The following RPS6KA5 variants were observed in gnomAD, a reference collection of about 807,000 sequenced individuals.
RPS6KA5 encodes the protein ribosomal protein S6 kinase A5, also known as ribosomal protein S6 kinase alpha-5.
RPS6KA5 carries 27 observed loss-of-function variants against 85.5 expected under a neutral mutation model. The ratio of observed to expected loss-of-function variants is 0.32; its 90% CI spans 0.23 to 0.44. The LOEUF (loss-of-function observed/expected upper bound fraction) is 0.44, where lower values mean the gene tolerates loss of function less well. RPS6KA5 is among the 20% of genes least tolerant of loss of function. The pLI, the probability that RPS6KA5 is intolerant of heterozygous loss-of-function variation, is 1.00. For synonymous variants in RPS6KA5, 334 were observed against 348.2 expected, an observed-to-expected ratio of 0.96 and a Z score of 0.46; for missense variants, 811 against 980.9, an observed-to-expected ratio of 0.83 and a Z score of 2.31.
intron 3 of RPS6KA5, among the ~76,000 whole-genome samples, chr14:90,964,326 T>C (rs1047413791): frequency 1.3e-5 from 2 of 152,164 alleles, no homozygotes; most frequent in African/African-American, 4.8e-5. Context: ...TGATAATCTA[T>C]TTCTTCAAGG....
At position 91,001,130 on chromosome 14, in the gene RPS6KA5, C is replaced by G; in HGVS notation, c.133G>C (p.Gly45Arg). The part of the protein sequence containing the change: ...ANLTGHAEKV[G>R]IENFELLKVL... ...TTCAGGAGCTCAAAATTTTCTATTC[C>G]CACCTTCTCAGCATGTCCTGTCAAA... Residue 45 changes from glycine (G) to arginine (R), a missense_variant, in exon 2 of 17, where the codon GGA (glycine) becomes CGA (arginine). Gly to Arg is a moderately radical substitution (Grantham distance 125). Coordinates refer to ENST00000614987, the MANE Select transcript of RPS6KA5 (RefSeq NM_004755.4). The G allele has an allele frequency of 6.2e-7, 1 of 1,602,048 alleles. No homozygotes were observed. Among genetic ancestry groups the G allele is most frequent in the South Asian group, 1.1e-5 (1 of 88,524 alleles).
rs2031876119 is a variant in RPS6KA5 at position 90,849,395 on chromosome 14, GT to G, written c.*22678del. 2 of 152,232 alleles carry G rather than the reference GT, an allele frequency of 1.3e-5. No individual in the cohort carries two copies. The highest frequency in any genetic ancestry group is 2.9e-5 in the Non-Finnish European group (2 of 68,060). 9.4% of individuals were successfully genotyped at this position (152,232 alleles called of 1,614,324 possible). A position where few individuals can be genotyped will look rare whatever the true frequency, so the allele number is the denominator to read the frequency against. The stretch of plus-strand genomic sequence containing the variant: ...TTATCTTATGAATAGATCCACTTTG[GT>G]TGGTAATTCTTCTGCCTGACAGGCT... On this transcript the variant is annotated 3_prime_UTR_variant, in exon 17 of 17. Transcript: ENST00000614987.
chr14:91,001,530 C>A (rs2040798087), intron 1 of RPS6KA5, among the ~76,000 whole-genome samples: 1 of 152,120 alleles, frequency 6.6e-6, no homozygotes, highest in African/African-American at 2.4e-5. Flanking sequence ...TATGATTCGA[C>A]AAACATTTAC....
Position 90,894,466 on chromosome 14 carries a change from C to G in RPS6KA5, c.1591G>C (p.Ala531Pro). Residue 531 changes from alanine to proline, a missense_variant, in exon 13 of 17, where the codon GCT (alanine) becomes CCT (proline). By Grantham distance (27) the Ala-to-Pro change is conservative (BLOSUM62 -1). Coordinates refer to ENST00000614987, the MANE Select transcript of RPS6KA5 (RefSeq NM_004755.4). ...CCAACATCATGCATGTGGCTTACAG[C>G]TGAAACAAGCTTCCTCATGATGTAG... ...ASYIMRKLVS[A>P]VSHMHDVGVV... is the part of the protein sequence containing the mutation. 6.2e-7 allele frequency: 1 copy of G among 1,614,138 alleles called. No individual in the cohort carries two copies. The highest frequency in any genetic ancestry group is 8.5e-7 in the Non-Finnish European group (1 of 1,180,014).
intron 1 of RPS6KA5, 190 bp downstream of exon 1, chr14:91,060,142 G>A (rs905921944): frequency 9.1e-6 from 9 of 984,102 alleles, no homozygotes; most frequent in African/African-American, 1.7e-5. Flanking sequence ...ACTTTCGGCC[G>A]CCTCCCCCAA....
chr14:90,943,776 A>C (rs2037720226), intron 4 of RPS6KA5, among the ~76,000 whole-genome samples: 1 of 152,164 alleles, frequency 6.6e-6, no homozygotes. Flanking sequence ...AGAATTGTTG[A>C]TTAACAGGCT....
chr14:90,937,100 C>T (rs2037300140), intron 5 of RPS6KA5, among the ~76,000 whole-genome samples: 1 of 151,706 alleles, frequency 6.6e-6, no homozygotes, highest in African/African-American at 2.4e-5. Context: ...AGAGGAAGAG[C>T]CAACAAAAGG....
chr14:91,031,805 TTATAA>T (rs1216338003), intron 1 of RPS6KA5, among the ~76,000 whole-genome samples: 3 of 152,094 alleles, frequency 2.0e-5, no homozygotes, highest in Non-Finnish European at 4.4e-5. Context: ...TCAACCAAAA[TTATAA>T]TATAACTTCA....
intron 1 of RPS6KA5, among the ~76,000 whole-genome samples, chr14:91,036,539 T>C (rs890867979): frequency 2.0e-5 from 3 of 152,152 alleles, no homozygotes; most frequent in Admixed American, 2.0e-4. Flanking sequence ...CCTGGGTTCT[T>C]CCCCAAAGCA....
chr14:90,924,191 T>C (rs994963558), intron 5 of RPS6KA5, among the ~76,000 whole-genome samples: 2 of 152,190 alleles, frequency 1.3e-5, no homozygotes, highest in African/African-American at 2.4e-5. Context: ...CAAACATCTC[T>C]TAATTCTCTC....
At chr14:91,050,348 C>T (rs539294586) in intron 1 of RPS6KA5, among the ~76,000 whole-genome samples, 52 of 117,348 alleles carry the variant, frequency 4.4e-4, no homozygotes, top group Admixed American at 4.1e-3. Context: ...CACTGTATTC[C>T]AGCCTGGGCA....
At chr14:90,965,629 C>T (rs2039025649) in intron 3 of RPS6KA5, among the ~76,000 whole-genome samples, 1 of 151,960 alleles carries the variant, frequency 6.6e-6, no homozygotes, top group African/African-American at 2.4e-5. Flanking sequence ...ACCTGTGAAG[C>T]TCTGCTGAGA....
intron 1 of RPS6KA5, among the ~76,000 whole-genome samples, chr14:91,035,883 C>T (rs1422327383): frequency 1.1e-5 from 1 of 88,506 alleles, no homozygotes; most frequent in Admixed American, 1.1e-4. Context: ...AAAAAAAAAC[C>T]CCAAAGCTGA....
At chr14:90,902,625 C>G (rs1234874228) in intron 9 of RPS6KA5, among the ~76,000 whole-genome samples, 183 bp downstream of exon 9, 1 of 152,186 alleles carries the variant, frequency 6.6e-6, no homozygotes, top group Non-Finnish European at 1.5e-5. Context: ...TAAACAATAT[C>G]TGCTATTGAG....
chr14:90,942,911 G>A (rs937460834), intron 5 of RPS6KA5, among the ~76,000 whole-genome samples, 167 bp downstream of exon 5: 12 of 152,040 alleles, frequency 7.9e-5, no homozygotes, highest in East Asian at 7.7e-4. Context: ...TTAACAGGAC[G>A]GCTCCATACG....
chr14:90,854,076 C>G lies in RPS6KA5; in HGVS notation c.*17998G>C, dbSNP rs967461175. 1.3e-5 allele frequency: 2 copies of G among 152,060 alleles called. No homozygotes were observed. Among genetic ancestry groups the G allele is most frequent in the African/African-American group, 4.8e-5 (2 of 41,408 alleles). The allele number at this position is 152,060 out of a possible 1,614,324, so 9.4% of individuals were successfully genotyped here. ...CACACCTATGTAATTTTCACAAGAC[C>G]AAACTATTAAAGTACCTAGAAAATA... On this transcript the variant is annotated 3_prime_UTR_variant, in exon 17 of 17. Coordinates refer to ENST00000614987, the MANE Select transcript of RPS6KA5 (RefSeq NM_004755.4).
chr14:90,915,711 C>T (rs60904670), intron 7 of RPS6KA5, among the ~76,000 whole-genome samples: 4,951 of 151,800 alleles, frequency 0.033, 271 homozygotes, highest in African/African-American at 0.11. Flanking sequence ...GAGGATGAGG[C>T]AGGAAAATCA....
Position 91,060,437 on chromosome 14 carries a change from TCTC to T in RPS6KA5, c.-6_-4del, listed in dbSNP as rs1447483888. ...CTGCTGCCACCCTCCTCCTCCATCT[TCTC>T]CTTTTTTTCCGATCCCGCGGGTCGC... On this transcript the variant is annotated 5_prime_UTR_variant, in exon 1 of 17. Transcript: ENST00000614987. 8 of 1,468,958 alleles carry T rather than the reference TCTC, an allele frequency of 5.4e-6. No individual in the cohort carries two copies. In the African/African-American group the frequency reaches 7.3e-5, roughly 13 times the overall value. The allele number at this position is 1,468,958 out of a possible 1,614,324, so 91.0% of individuals were successfully genotyped here. A position where few individuals can be genotyped will look rare whatever the true frequency, so the allele number is the denominator to read the frequency against.
At chr14:91,026,704 T>C (rs2042004268) in intron 1 of RPS6KA5, among the ~76,000 whole-genome samples, 1 of 152,198 alleles carries the variant, frequency 6.6e-6, no homozygotes, top group South Asian at 2.1e-4. Flanking sequence ...TCTAAGTTTT[T>C]TCAGCTTTCC....
Sources: allele counts gnomAD v4.1 joint callset (sites outside exome capture counted in the v4.1 genomes callset), GRCh38; gene constraint gnomAD v4.1.1; transcripts MANE v1.5; gene names NCBI Gene and HGNC (gene_info 2026-07-23, HGNC 2026-07-21).